The following BTBD8 variants were observed in gnomAD, a reference collection of about 807,000 sequenced individuals.
BTBD8 encodes the protein BTB/POZ domain-containing protein 8.
A neutral mutation model predicts 162.9 loss-of-function variants in BTBD8; 110 were observed. The ratio of observed to expected loss-of-function variants is 0.68; its 90% confidence interval spans 0.58 to 0.79. The LOEUF (loss-of-function observed/expected upper bound fraction) is 0.79. Ranked by LOEUF, BTBD8 falls within the 30% of genes least tolerant of loss-of-function variation. BTBD8 has a pLI of 0.00. For missense variants in BTBD8, 1,905 were observed against 2,085.4 expected (o/e 0.91, Z 1.68); for synonymous variants, 667 against 716.1 (o/e 0.93, Z 1.10).
chr1:92,140,470 G>T (rs180788129), intron 6 of BTBD8, among the ~76,000 whole-genome samples: 49 of 152,068 alleles, frequency 3.2e-4, no homozygotes, highest in Admixed American at 3.2e-3. Context: ...AAAATTACTT[G>T]GTTCCTTTAA....
intron 3 of BTBD8, among the ~76,000 whole-genome samples, chr1:92,104,615 C>T (rs1436397721): frequency 6.6e-6 from 1 of 152,230 alleles, no homozygotes; most frequent in African/African-American, 2.4e-5. Flanking sequence ...AAAAGAGCTT[C>T]TGCCTTTCGA....
Position 92,139,426 on chromosome 1 carries a change from G to T in BTBD8, c.829G>T (p.Val277Phe). 2 of 1,602,316 alleles carry T rather than the reference G, an allele frequency of 1.2e-6. No individual in the cohort carries two copies. Among genetic ancestry groups the T allele is most frequent in the Non-Finnish European group, 8.5e-7 (1 of 1,176,946 alleles). Reference protein sequence around the residue: ...GTLDIPDKTNVGQILNMADMY... With the variant: ...GTLDIPDKTNFGQILNMADMY... The stretch of plus-strand genomic sequence containing the variant: ...TCTGGACATTCCAGACAAAACTAAT[G>T]TTGGGTATGTATTCCTTTTTAATAA... The change falls in exon 6 of 18, where the codon GTT becomes TTT. Residue 277 changes from valine to phenylalanine, a missense_variant. Around this residue, in one of 3 missense-constraint regions of BTBD8, gnomAD observed 1,374 missense variants for 1,442.7 expected, o/e 0.95. Coordinates refer to ENST00000636805, the MANE Select transcript of BTBD8 (RefSeq NM_001376131.1).
chr1:92,139,911 A>G (rs1649726860), intron 6 of BTBD8: 1 of 126,310 alleles, frequency 7.9e-6, no homozygotes, highest in Admixed American at 9.6e-5. Context: ...ACATGGTGAA[A>G]CCTCGTCTCT....
intron 5 of BTBD8, among the ~76,000 whole-genome samples, chr1:92,134,099 T>C (rs1038346712): frequency 6.6e-6 from 1 of 151,670 alleles, no homozygotes; most frequent in Non-Finnish European, 1.5e-5. Flanking sequence ...CATACTATAA[T>C]GTAAATTGAA....
Position 92,153,661 on chromosome 1 carries a change from C to G in BTBD8, c.1122+5875C>G, listed in dbSNP as rs146921671. ...TTAGGATAATGTCCTCAACATTCAT[C>G]CATGTGGTCACATCTTACAGAATTT... is the stretch of plus-strand genomic sequence containing the variant. On this transcript the variant is annotated intron_variant, in intron 9 of 17. Coordinates refer to ENST00000636805, the MANE Select transcript of BTBD8 (RefSeq NM_001376131.1). Among the ~76,000 whole-genome samples, 70 of 152,306 alleles carry G rather than the reference C, an allele frequency of 4.6e-4. No homozygotes were observed. In the East Asian group the frequency reaches 0.013, roughly 29 times the overall value.
rs568111928 is a variant in BTBD8, at chr1:92,158,994, C to T, written c.1123-7964C>T. Among the ~76,000 whole-genome samples the T allele has an allele frequency of 2.1e-3, 316 of 152,108 alleles. 3 individuals carry two copies. Among genetic ancestry groups the T allele is most frequent in the African/African-American group, 7.3e-3 (302 of 41,502 alleles). On this transcript the variant is annotated intron_variant, in intron 9 of 17. Transcript: ENST00000636805. ...CTTGCCTCAAACTCCTGGGCTCAAG[C>T]GATCTACCTAGTTCAGCTTCTGAAA...
intron 5 of BTBD8, among the ~76,000 whole-genome samples, 153 bp downstream of exon 5, chr1:92,129,929 TAGAG>T (rs759822182): frequency 3.9e-5 from 6 of 152,242 alleles, no homozygotes; most frequent in Non-Finnish European, 8.8e-5. Flanking sequence ...CGGGAAGTAA[TAGAG>T]AGCATTTATT....
intron 2 of BTBD8, among the ~76,000 whole-genome samples, chr1:92,095,596 A>G (rs1648428667): frequency 6.6e-6 from 1 of 152,196 alleles, no homozygotes; most frequent in Non-Finnish European, 1.5e-5. Context: ...TCATTTTACT[A>G]GTCTATACCA....
intron 9 of BTBD8, among the ~76,000 whole-genome samples, chr1:92,151,777 C>T (rs957942341): frequency 1.3e-5 from 2 of 152,142 alleles, no homozygotes; most frequent in Non-Finnish European, 2.9e-5. Context: ...TTAGCTCCCA[C>T]TTATAAGTGA....
At chr1:92,142,435 A>G (rs537467573) in intron 7 of BTBD8, among the ~76,000 whole-genome samples, 1 of 152,326 alleles carries the variant, frequency 6.6e-6, no homozygotes, top group South Asian at 2.1e-4. Context: ...AGACGAAGAG[A>G]AAGTGATAAG....
chr1:92,130,573 C>T (rs1038058427), intron 5 of BTBD8, among the ~76,000 whole-genome samples: 15 of 148,914 alleles, frequency 1.0e-4, no homozygotes, highest in Admixed American at 5.3e-4. Flanking sequence ...CACACATATA[C>T]GCACACACAC....
chr1:92,119,278 T>C (rs1352117453), intron 4 of BTBD8, among the ~76,000 whole-genome samples: 1 of 150,668 alleles, frequency 6.6e-6, no homozygotes, highest in African/African-American at 2.5e-5. Context: ...CAAATTTTTT[T>C]CTTTTTTTCT....
chr1:92,183,926 A>G lies in BTBD8; in HGVS notation c.4975A>G (p.Thr1659Ala). Residue 1659 changes from threonine (T) to alanine (A), a missense_variant, in exon 18 of 18, where the codon ACC becomes GCC. By Grantham distance (58) the Thr-to-Ala change is moderately conservative. Coordinates refer to ENST00000636805, the MANE Select transcript of BTBD8 (RefSeq NM_001376131.1). ...CATGTATGACCATCGGCCTTCAAAA[A>G]CCCTGTCTCCAATATATGAGATGGA... ...TRMYDHRPSK[T>A]LSPIYEMDVI... The G allele has an allele frequency of 1.3e-6, 2 of 1,551,402 alleles. No homozygotes were observed. The highest frequency in any genetic ancestry group is 1.2e-5 in the South Asian group (1 of 84,034).
intron 5 of BTBD8, among the ~76,000 whole-genome samples, chr1:92,134,864 A>G (rs1056932456): frequency 6.7e-6 from 1 of 148,898 alleles, no homozygotes; most frequent in Non-Finnish European, 1.5e-5. Context: ...TGAAGCAGAG[A>G]TTTTATTTTA....
intron 3 of BTBD8, among the ~76,000 whole-genome samples, chr1:92,106,888 C>T (rs1412361749): frequency 1.3e-5 from 2 of 151,612 alleles, no homozygotes; most frequent in African/African-American, 2.4e-5. Flanking sequence ...CCAGCCTGGG[C>T]AACATAAGGA....
intron 13 of BTBD8, among the ~76,000 whole-genome samples, chr1:92,174,491 A>G (rs1304828686): frequency 1.3e-5 from 2 of 152,180 alleles, no homozygotes; most frequent in East Asian, 1.9e-4. Context: ...TACTATATAG[A>G]TTTCACCCAT....
chr1:92,117,033 A>G (rs950794575), intron 4 of BTBD8, among the ~76,000 whole-genome samples: 1 of 151,766 alleles, frequency 6.6e-6, no homozygotes, highest in Non-Finnish European at 1.5e-5. Flanking sequence ...AATTTTTTGT[A>G]GAGATGGGTT....
At position 92,080,354 on chromosome 1, in the gene BTBD8, T is replaced by C; in HGVS notation, c.-218T>C. The C allele has an allele frequency of 1.6e-6, 1 of 624,022 alleles. No homozygotes were observed. The highest frequency in any genetic ancestry group is 2.6e-6 in the Non-Finnish European group (1 of 381,624). The allele number at this position is 624,022 out of a possible 1,614,324, so 38.7% of individuals were successfully genotyped here. ...TACGCCTGCGCACGCTCTTCCTGGG[T>C]CAAGAGCCGGCTCGGTTCTGGGATT... On this transcript the variant is annotated 5_prime_UTR_variant, in exon 1 of 18. Coordinates refer to ENST00000636805, the MANE Select transcript of BTBD8 (RefSeq NM_001376131.1).
In BTBD8 at chr1:92,147,249, CTT is replaced by C. The variant is rs767802117; in HGVS notation, c.1004_1005del (p.Phe335CysfsTer2). 1 of 1,610,574 alleles carries C rather than the reference CTT, an allele frequency of 6.2e-7. No homozygotes were observed. The highest frequency in any genetic ancestry group is 1.1e-5 in the South Asian group (1 of 90,772). ...IIAHSVGVES[L>X]FADCMKWIVK... The stretch of plus-strand genomic sequence containing the variant: ...TGCTCATTCAGTTGGAGTGGAAAGT[CTT>C]TTTGCTGACTGCATGAAGTAAGTTA... On this transcript the variant is annotated frameshift_variant, in exon 8 of 18. Coordinates refer to ENST00000636805, the MANE Select transcript of BTBD8 (RefSeq NM_001376131.1). LOFTEE classifies it high-confidence loss of function.
Sources: gnomAD v4.1 joint callset for allele counts (sites outside exome capture counted in the v4.1 genomes callset) on GRCh38, gnomAD v4.1.1 for gene constraint, gnomAD v4.1.1 regional missense constraint, MANE v1.5 for transcripts, NCBI Gene and HGNC (gene_info 2026-07-23, HGNC 2026-07-21) for gene names.